TSNARE1: variants seen among roughly 807,000 people sequenced by gnomAD.
TSNARE1 encodes the protein t-SNARE domain-containing protein 1.
In TSNARE1, 49 loss-of-function variants were observed where a neutral mutation model predicts 62.0. The observed-to-expected ratio is 0.79, with a 90% CI of 0.63 to 1.00. TSNARE1 has a LOEUF of 1.00. Ranked by LOEUF, TSNARE1 falls within the 50% of genes least tolerant of loss-of-function variation. The pLI, the probability that TSNARE1 is intolerant of heterozygous loss-of-function variation, is 0.00. For synonymous variants in TSNARE1, 328 were observed against 294.4 expected (o/e 1.11, Z -1.17); for missense variants, 755 against 700.1 (o/e 1.08, Z -0.88).
At chr8:142,369,870 AAGAG>A (rs1179831873) in intron 1 of TSNARE1, among the ~76,000 whole-genome samples, 1 of 152,160 alleles carries the variant, frequency 6.6e-6, no homozygotes, top group Non-Finnish European at 1.5e-5. Flanking sequence ...CCAGAAGGTG[AAGAG>A]AGAGAGAACA....
At chr8:142,273,653 G>A (rs13254630) in intron 12 of TSNARE1, 162,414 of 985,198 alleles carry the variant, frequency 0.16, 14,280 homozygotes, top group African/African-American at 0.32. Context: ...GACAGAAATG[G>A]GGAGGCCCAA....
At chr8:142,280,545 C>T (rs766236858) in intron 11 of TSNARE1, among the ~76,000 whole-genome samples, 4 of 152,324 alleles carry the variant, frequency 2.6e-5, no homozygotes, top group Non-Finnish European at 5.9e-5. Flanking sequence ...CTGCCCTCCC[C>T]GGAGCCCTGA....
chr8:142,384,588 T>C (rs1243997791), intron 1 of TSNARE1, among the ~76,000 whole-genome samples: 1 of 152,188 alleles, frequency 6.6e-6, no homozygotes, highest in Non-Finnish European at 1.5e-5. Context: ...AAAAGGATCA[T>C]CTTTTCAACA....
At position 142,302,475 on chromosome 8, in the gene TSNARE1, C is replaced by T. The variant is rs546413401; in HGVS notation, c.1132-1831G>A. On this transcript the variant is annotated intron_variant, in intron 9 of 13. Transcript: ENST00000524325. Reference sequence around the variant, plus strand: ...TGCTGGGCCTGGATCAGAGCCCCTGCTGGGACAGGACTCTCAGGATGGGGG... The same window carrying T: ...TGCTGGGCCTGGATCAGAGCCCCTGTTGGGACAGGACTCTCAGGATGGGGG... Among the ~76,000 whole-genome samples the T allele has an allele frequency of 3.3e-5, 5 of 152,236 alleles. No individual in the cohort carries two copies. The South Asian group carries it at 1.0e-3, about 32-fold the overall frequency.
At chr8:142,325,886 C>A (rs576881619) in intron 6 of TSNARE1, among the ~76,000 whole-genome samples, 2 of 137,710 alleles carry the variant, frequency 1.5e-5, no homozygotes, top group Admixed American at 1.5e-4. Context: ...CCAGAGAGCA[C>A]GAGACGGATG....
intron 1 of TSNARE1, among the ~76,000 whole-genome samples, chr8:142,392,016 T>G (rs945641678): frequency 6.6e-6 from 1 of 152,226 alleles, no homozygotes; most frequent in Non-Finnish European, 1.5e-5. Flanking sequence ...TGAGGCTGTT[T>G]TGCAGTTCAT....
rs780726823 is a variant in TSNARE1, at chr8:142,318,544, C to T, written c.984G>A (p.Pro328=). 1.6e-5 allele frequency: 26 copies of T among 1,612,226 alleles called. No individual in the cohort carries two copies. In the Middle Eastern group the frequency reaches 2.6e-3, roughly 163 times the overall value. ...QMAELLRSSC[P]QERLQQERPQ... ...CCAGCCCCAGACCCCAGGAACATAC[C>T]GGGCAGGAGCTGCGCAGCAGCTCGG... Residue 328 remains proline (P), a splice_region_variant and synonymous_variant, in exon 7 of 14, where the codon CCG becomes CCA. Transcript: ENST00000524325.
chr8:142,373,950 C>G (rs1007972639), intron 1 of TSNARE1, among the ~76,000 whole-genome samples: 6 of 152,086 alleles, frequency 3.9e-5, no homozygotes, highest in African/African-American at 7.2e-5. Flanking sequence ...AGGTAATACA[C>G]TGTGTGTGTG....
chr8:142,232,542 G>A (rs753119526), intron 12 of TSNARE1, among the ~76,000 whole-genome samples: 19 of 152,242 alleles, frequency 1.2e-4, no homozygotes, highest in Non-Finnish European at 2.4e-4. Flanking sequence ...CCAAAGGGGC[G>A]GACCCGGATG....
At chr8:142,230,705 A>G (rs555883642) in intron 12 of TSNARE1, among the ~76,000 whole-genome samples, 20 of 152,246 alleles carry the variant, frequency 1.3e-4, no homozygotes, top group Non-Finnish European at 2.5e-4. Context: ...GCCAAGGATG[A>G]GTCCCCTCGG....
intron 12 of TSNARE1, among the ~76,000 whole-genome samples, chr8:142,266,466 C>T (rs531521359): frequency 5.8e-4 from 89 of 152,290 alleles, no homozygotes; most frequent in Admixed American, 1.6e-3. Context: ...TGTATTTTGC[C>T]TTTAATCTTG....
At chr8:142,367,029 A>G (rs1263981252) in intron 1 of TSNARE1, among the ~76,000 whole-genome samples, 3 of 150,478 alleles carry the variant, frequency 2.0e-5, no homozygotes, top group Admixed American at 2.0e-4. Context: ...TAGCAACGAA[A>G]AATATAGTAT....
chr8:142,369,634 T>C lies in TSNARE1; in HGVS notation c.-39-14871A>G, dbSNP rs377681568. 2.4e-4 allele frequency among the ~76,000 whole-genome samples: 36 copies of C among 151,842 alleles called. 1 individual carries two copies. In the South Asian group the frequency reaches 7.5e-3, roughly 32 times the overall value. ...GCAGTGGGGAAGCTCAGCAGAGAAATGGAAACTAACAGGAGGTCGCAGGGA... is the reference window on the plus strand; with the variant it reads ...GCAGTGGGGAAGCTCAGCAGAGAAACGGAAACTAACAGGAGGTCGCAGGGA... On this transcript the variant is annotated intron_variant, in intron 1 of 13. Transcript: ENST00000524325.
chr8:142,302,657 G>A (rs1230632725), intron 9 of TSNARE1, among the ~76,000 whole-genome samples: 2 of 152,128 alleles, frequency 1.3e-5, no homozygotes, highest in Non-Finnish European at 2.9e-5. Flanking sequence ...CCAGCTTTGC[G>A]CCTCTGCTCA....
intron 11 of TSNARE1, chr8:142,278,923 C>T: frequency 2.2e-6 from 1 of 446,038 alleles, no homozygotes; most frequent in Non-Finnish European, 3.0e-6. Context: ...TGCCCAAACT[C>T]CTCAACGTGA....
chr8:142,377,066 C>T (rs1355541815), intron 1 of TSNARE1, among the ~76,000 whole-genome samples: 2 of 152,246 alleles, frequency 1.3e-5, no homozygotes, highest in African/African-American at 4.8e-5. Flanking sequence ...CCCCCGTCAA[C>T]GGGGGACATG....
intron 4 of TSNARE1, among the ~76,000 whole-genome samples, chr8:142,343,227 C>T (rs532452722): frequency 1.1e-4 from 17 of 152,304 alleles, no homozygotes; most frequent in Non-Finnish European, 2.1e-4. Context: ...CACCACAGGG[C>T]GGCGCCAGCC....
At chr8:142,234,002 T>C (rs1586805832) in intron 12 of TSNARE1, among the ~76,000 whole-genome samples, 1 of 152,168 alleles carries the variant, frequency 6.6e-6, no homozygotes, top group African/African-American at 2.4e-5. Flanking sequence ...GTGGCCACCC[T>C]AGCCATCCTG....
intron 7 of TSNARE1, among the ~76,000 whole-genome samples, chr8:142,318,075 C>T (rs1828862005): frequency 6.6e-6 from 1 of 152,170 alleles, no homozygotes; most frequent in African/African-American, 2.4e-5. Flanking sequence ...CTGCCACGGC[C>T]ATATGTCTGG....
Sources: gnomAD v4.1 joint callset for allele counts (sites outside exome capture counted in the v4.1 genomes callset) on GRCh38, gnomAD v4.1.1 for gene constraint, MANE v1.5 for transcripts, NCBI Gene and HGNC (gene_info 2026-07-23, HGNC 2026-07-21) for gene names.